The following TMPRSS13 variants were observed in gnomAD, a reference collection of about 807,000 sequenced individuals.
TMPRSS13 encodes the protein transmembrane protease serine 13.
TMPRSS13 carries 50 observed loss-of-function variants against 68.4 expected under a neutral mutation model. The ratio of observed to expected loss-of-function variants is 0.73; its 90% CI spans 0.58 to 0.93. The LOEUF (loss-of-function observed/expected upper bound fraction) is 0.93, where lower values mean the gene tolerates loss of function less well. TMPRSS13 is among the 40% of genes least tolerant of loss of function. TMPRSS13 has a pLI of 0.00. For synonymous variants in TMPRSS13, 267 were observed against 285.8 expected (o/e 0.93, Z 0.66); for missense variants, 615 against 729.2 (o/e 0.84, Z 1.80).
intron 10 of TMPRSS13, 81 bp from the exon 11 acceptor site, chr11:117,904,182 C>A: frequency 6.6e-7 from 1 of 1,519,606 alleles, no homozygotes; most frequent in Non-Finnish European, 8.9e-7. Context: ...CCAGCTGCCA[C>A]CCCAAGACCC....
chr11:117,906,415 C>G (rs2057465600), intron 9 of TMPRSS13, among the ~76,000 whole-genome samples: 1 of 152,242 alleles, frequency 6.6e-6, no homozygotes, highest in South Asian at 2.1e-4. Flanking sequence ...TTGACCAACA[C>G]ATCTGAGTTT....
At chr11:117,920,605 C>T (rs1204934277) in intron 1 of TMPRSS13, among the ~76,000 whole-genome samples, 2 of 152,204 alleles carry the variant, frequency 1.3e-5, no homozygotes, top group African/African-American at 4.8e-5. Context: ...TCTCCTGCCT[C>T]AGCCTCCCGA....
intron 1 of TMPRSS13, among the ~76,000 whole-genome samples, chr11:117,919,966 C>T (rs2057626494): frequency 6.6e-6 from 1 of 152,222 alleles, no homozygotes; most frequent in Non-Finnish European, 1.5e-5. Flanking sequence ...GCCAGGAACA[C>T]CTTGGGAACC....
rs2057655871 is a variant in TMPRSS13 at position 117,922,206 on chromosome 11, A to G, written c.22-3368T>C. The stretch of plus-strand genomic sequence containing the variant: ...GAGTAGAGGCCTTCAGCAGCTGGGG[A>G]ATAGGAAGGGGAGGAGACTACTTGT... On this transcript the variant is annotated intron_variant, in intron 1 of 12. Coordinates refer to ENST00000524993, the MANE Select transcript of TMPRSS13 (RefSeq NM_001077263.3). This position sits in a 1 kb window ranked among gnomAD's most constrained non-coding sequence, Gnocchi z 4.2. Among the ~76,000 whole-genome samples the G allele has an allele frequency of 6.6e-6, 1 of 152,072 alleles. No individual in the cohort carries two copies. Among genetic ancestry groups the G allele is most frequent in the East Asian group, 1.9e-4 (1 of 5,188 alleles).
chr11:117,926,445 C>T (rs2057708690), intron 1 of TMPRSS13, among the ~76,000 whole-genome samples: 1 of 152,144 alleles, frequency 6.6e-6, no homozygotes, highest in South Asian at 2.1e-4. Flanking sequence ...AGCGGTGGGC[C>T]CCCAGACGGT....
chr11:117,924,562 G>T (rs145030777), intron 1 of TMPRSS13, among the ~76,000 whole-genome samples: 8 of 152,136 alleles, frequency 5.3e-5, no homozygotes, highest in African/African-American at 1.9e-4. Flanking sequence ...AAGCACTGGC[G>T]GCACTGAGAA....
At chr11:117,924,568 G>C (rs74391474) in intron 1 of TMPRSS13, among the ~76,000 whole-genome samples, 7,678 of 152,256 alleles carry the variant, frequency 0.05, 272 homozygotes, top group East Asian at 0.18. Context: ...TGGCGGCACT[G>C]AGAAAGATCA....
intron 1 of TMPRSS13, among the ~76,000 whole-genome samples, chr11:117,927,587 G>A (rs947417800): frequency 5.9e-5 from 9 of 152,158 alleles, no homozygotes; most frequent in African/African-American, 2.2e-4. Flanking sequence ...ACGACATTTT[G>A]GAGTTGAGGG....
rs774640548 is a variant in TMPRSS13 at position 117,908,676 on chromosome 11, G to A, written c.1218C>T (p.Tyr406=). 1.3e-6 allele frequency: 2 copies of A among 1,595,790 alleles called. No individual in the cohort carries two copies. The highest frequency in any genetic ancestry group is 1.7e-6 in the Non-Finnish European group (2 of 1,172,386). The stretch of plus-strand genomic sequence containing the variant: ...TGTCATAGTCGTCCTCCTCATCGGT[G>A]TAATTGCTGTTGATGATGATCTCGG... ...SIAEIIINSN[Y]TDEEDDYDIA... Residue 406 remains tyrosine (Y), a synonymous_variant, in exon 9 of 13, where the codon TAC becomes TAT. Transcript: ENST00000524993.
chr11:117,917,983 T>C (rs117660172), intron 2 of TMPRSS13, among the ~76,000 whole-genome samples: 3,544 of 152,154 alleles, frequency 0.023, 56 homozygotes, highest in Non-Finnish European at 0.034. Flanking sequence ...CTGGTCAGAA[T>C]CTCTCCTTTT....
At chr11:117,913,283 G>C (rs1460218865) in intron 5 of TMPRSS13, among the ~76,000 whole-genome samples, 2 of 152,136 alleles carry the variant, frequency 1.3e-5, no homozygotes, top group African/African-American at 4.8e-5. Context: ...AAAATCTTTA[G>C]AGCCAAAGAC....
chr11:117,911,372 G>A (rs938298318), intron 6 of TMPRSS13, among the ~76,000 whole-genome samples: 20 of 152,142 alleles, frequency 1.3e-4, no homozygotes, highest in Non-Finnish European at 2.2e-4. Context: ...AGAATGGGCC[G>A]AGTAGAGGAG....
At chr11:117,928,745 C>T (rs1565357398) in intron 1 of TMPRSS13, among the ~76,000 whole-genome samples, 1 of 152,260 alleles carries the variant, frequency 6.6e-6, no homozygotes, top group East Asian at 1.9e-4. Context: ...ACTTCCCAAG[C>T]ATGAAAGTTA....
intron 8 of TMPRSS13, 122 bp downstream of exon 8, chr11:117,909,684 G>T (rs2057500360): frequency 2.5e-6 from 3 of 1,209,586 alleles, no homozygotes; most frequent in East Asian, 2.6e-5. Flanking sequence ...GTGCCAACTG[G>T]CCCATGGGGG....
chr11:117,923,412 G>A (rs1373032306), intron 1 of TMPRSS13, among the ~76,000 whole-genome samples: 1 of 143,548 alleles, frequency 7.0e-6, no homozygotes, highest in African/African-American at 2.9e-5. Context: ...ACCTTCTGGG[G>A]GCCCAGCCAG....
chr11:117,908,035 T>A (rs2057481223), intron 9 of TMPRSS13: 17 of 1,000,328 alleles, frequency 1.7e-5, no homozygotes, highest in Non-Finnish European at 2.0e-5. Context: ...GTTGTTTGAA[T>A]GTGTACTCAG....
intron 1 of TMPRSS13, among the ~76,000 whole-genome samples, chr11:117,927,216 C>T (rs752319284): frequency 3.3e-5 from 5 of 152,194 alleles, no homozygotes; most frequent in Non-Finnish European, 5.9e-5. Context: ...AAATCCTCTC[C>T]GACCACGCAG....
intron 1 of TMPRSS13, among the ~76,000 whole-genome samples, chr11:117,927,693 A>G (rs1317958658): frequency 1.3e-5 from 2 of 152,200 alleles, no homozygotes; most frequent in Non-Finnish European, 2.9e-5. Flanking sequence ...TATTTAATCA[A>G]GGTTAAGAAA....
intron 2 of TMPRSS13, among the ~76,000 whole-genome samples, chr11:117,917,784 G>T (rs1436286066): frequency 6.6e-6 from 1 of 152,186 alleles, no homozygotes; most frequent in Non-Finnish European, 1.5e-5. Context: ...GTATCATCCA[G>T]GCCTGTGTGT....
Sources: allele counts gnomAD v4.1 joint callset (sites outside exome capture counted in the v4.1 genomes callset), GRCh38; gene constraint gnomAD v4.1.1; non-coding constraint Gnocchi (gnomAD v3.1); transcripts MANE v1.5; gene names NCBI Gene and HGNC (gene_info 2026-07-23, HGNC 2026-07-21).